The following CNBD1 variants were observed in gnomAD, a reference collection of about 807,000 sequenced individuals.
CNBD1 encodes the protein cyclic nucleotide binding domain containing 1.
Under a neutral mutation model 54.4 loss-of-function variants are expected in CNBD1, and 71 were observed. The observed-to-expected ratio is 1.30, with a 90% confidence interval of 1.08 to 1.59. CNBD1 has a LOEUF of 1.59. Ranked by LOEUF, CNBD1 falls within the 40% of genes most tolerant of loss-of-function variation. CNBD1 has a pLI of 0.00. For missense variants in CNBD1, 659 were observed against 518.0 expected (o/e 1.27, Z -2.64); for synonymous variants, 182 against 170.7 (o/e 1.07, Z -0.51).
intron 2 of CNBD1, among the ~76,000 whole-genome samples, chr8:87,402,119 G>A (rs553768707): frequency 6.6e-6 from 1 of 152,136 alleles, no homozygotes; most frequent in East Asian, 1.9e-4. Flanking sequence ...TTACATGGTG[G>A]CAGGCAAGAG....
intron 8 of CNBD1, among the ~76,000 whole-genome samples, chr8:87,300,600 A>G (rs1313100065): frequency 6.6e-6 from 1 of 152,134 alleles, no homozygotes; most frequent in African/African-American, 2.4e-5. Flanking sequence ...TTTTATTTTA[A>G]TTGAAAGTAT....
At chr8:87,340,415 G>T (rs1337875334) in intron 8 of CNBD1, among the ~76,000 whole-genome samples, 1 of 152,138 alleles carries the variant, frequency 6.6e-6, no homozygotes, top group Non-Finnish European at 1.5e-5. Flanking sequence ...GAGGCATTGG[G>T]CTTCCTGAAT....
At chr8:86,884,171 C>CA (rs200476797) in intron 1 of CNBD1, among the ~76,000 whole-genome samples, 3,158 of 143,104 alleles carry the variant, frequency 0.022, 57 homozygotes, top group Middle Eastern at 0.03. Flanking sequence ...CAAAACAAAA[C>CA]AAAACAAAAA....
chr8:87,313,155 T>C (rs1809305232), intron 8 of CNBD1, among the ~76,000 whole-genome samples: 1 of 152,020 alleles, frequency 6.6e-6, no homozygotes, highest in Admixed American at 6.6e-5. Flanking sequence ...AAGGATAAAG[T>C]GATATTGAAC....
intron 4 of CNBD1, among the ~76,000 whole-genome samples, chr8:86,964,632 C>T (rs765127914): frequency 2.0e-5 from 3 of 152,142 alleles, no homozygotes; most frequent in Admixed American, 6.5e-5. Context: ...TAAATGGGAC[C>T]GTGTTTACCA....
intron 10 of CNBD1, among the ~76,000 whole-genome samples, chr8:87,374,001 G>T (rs1455783963): frequency 1.3e-5 from 2 of 151,650 alleles, no homozygotes; most frequent in Non-Finnish European, 2.9e-5. Flanking sequence ...ACAGCTACTG[G>T]TAATTACAAC....
rs149513827 is a variant in CNBD1 at position 87,199,895 on chromosome 8, A to G, written c.432-6098A>G. On this transcript the variant is annotated intron_variant, in intron 4 of 10. Coordinates refer to ENST00000518476, the MANE Select transcript of CNBD1 (RefSeq NM_173538.3). ...TTATAACAAAAATGACCAAGATGAAAACTAGTGGCTCTCAGATGCTGTTAA... is the reference window on the plus strand; with the variant it reads ...TTATAACAAAAATGACCAAGATGAAGACTAGTGGCTCTCAGATGCTGTTAA... Among the ~76,000 whole-genome samples the G allele has an allele frequency of 1.8e-3, 280 of 152,278 alleles. 3 individuals carry two copies. The highest frequency in any genetic ancestry group is 6.5e-3 in the African/African-American group (270 of 41,566).
intron 2 of CNBD1, among the ~76,000 whole-genome samples, chr8:87,401,199 T>C (rs3922614): frequency 0.27 from 40,681 of 151,898 alleles, 6,411 homozygotes; most frequent in Middle Eastern, 0.41. Context: ...TGGAAACCTA[T>C]TGAGGTTTTT....
At chr8:87,228,992 G>A (rs563459845) in intron 5 of CNBD1, among the ~76,000 whole-genome samples, 2 of 152,288 alleles carry the variant, frequency 1.3e-5, no homozygotes, top group East Asian at 1.9e-4. Context: ...GGGTGGGAGT[G>A]ACCCGATTTT....
Position 87,007,111 on chromosome 8 carries a change from C to A in CNBD1, c.431+67357C>A, listed in dbSNP as rs569141202. On this transcript the variant is annotated intron_variant, in intron 4 of 10. Transcript: ENST00000518476. ...ACTTGGGAGGCTGAGGCAGGAGAATCTCTTGAACCCAGGAGGCGGAGGTTG... is the reference window on the plus strand; with the variant it reads ...ACTTGGGAGGCTGAGGCAGGAGAATATCTTGAACCCAGGAGGCGGAGGTTG... Among the ~76,000 whole-genome samples, 209 of 151,878 alleles carry A rather than the reference C, an allele frequency of 1.4e-3. 1 individual carries two copies. Among genetic ancestry groups the A allele is most frequent in the Non-Finnish European group, 2.5e-3 (168 of 67,972 alleles).
chr8:87,322,655 G>A, intron 8 of CNBD1, among the ~76,000 whole-genome samples: 1 of 77,812 alleles, frequency 1.3e-5, no homozygotes, highest in South Asian at 4.0e-4. Flanking sequence ...GGGGTTGTTT[G>A]TTTTTTTCTT....
chr8:87,369,731 T>G (rs189898003), intron 10 of CNBD1, among the ~76,000 whole-genome samples: 1 of 152,044 alleles, frequency 6.6e-6, no homozygotes, highest in Non-Finnish European at 1.5e-5. Flanking sequence ...CTTTCTTTTT[T>G]TTTTATTATT....
intron 4 of CNBD1, among the ~76,000 whole-genome samples, chr8:87,127,437 A>T (rs891709137): frequency 7.2e-5 from 11 of 152,148 alleles, no homozygotes; most frequent in Non-Finnish European, 1.6e-4. Context: ...TGTATTAAAA[A>T]TTTTCACTAT....
chr8:87,265,433 G>C (rs908704157), intron 6 of CNBD1, among the ~76,000 whole-genome samples: 1 of 152,088 alleles, frequency 6.6e-6, no homozygotes, highest in African/African-American at 2.4e-5. Context: ...GTCAGATAGC[G>C]TGATGCCTCC....
chr8:87,198,255 C>G (rs1273152325), intron 4 of CNBD1, among the ~76,000 whole-genome samples: 2 of 152,152 alleles, frequency 1.3e-5, no homozygotes, highest in Non-Finnish European at 2.9e-5. Flanking sequence ...GAGGAGACAG[C>G]TGGTGAGGAA....
intron 4 of CNBD1, among the ~76,000 whole-genome samples, chr8:86,957,815 G>A (rs916365753): frequency 2.0e-5 from 3 of 151,814 alleles, no homozygotes; most frequent in African/African-American, 7.3e-5. Flanking sequence ...GGATTTTTTT[G>A]TGTCTCTATC....
intron 10 of CNBD1, among the ~76,000 whole-genome samples, chr8:87,365,576 T>C (rs966002695): frequency 2.6e-5 from 4 of 152,074 alleles, no homozygotes; most frequent in Admixed American, 2.0e-4. Context: ...ATTTATTGAT[T>C]CAAAGGTTCT....
intron 4 of CNBD1, among the ~76,000 whole-genome samples, chr8:87,039,121 G>T (rs771094225): frequency 1.3e-4 from 20 of 152,002 alleles, no homozygotes; most frequent in Non-Finnish European, 2.2e-4. Flanking sequence ...ATCTCTGTGT[G>T]TTTGGCTTAA....
chr8:87,372,028 G>A (rs1234808929), intron 10 of CNBD1, among the ~76,000 whole-genome samples: 1 of 151,910 alleles, frequency 6.6e-6, no homozygotes, highest in Admixed American at 6.6e-5. Flanking sequence ...TATTCAATTA[G>A]GAAAAGAGGA....
Sources: gnomAD v4.1 joint callset for allele counts (sites outside exome capture counted in the v4.1 genomes callset) on GRCh38, gnomAD v4.1.1 for gene constraint, MANE v1.5 for transcripts, NCBI Gene and HGNC (gene_info 2026-07-23, HGNC 2026-07-21) for gene names.